Variants in PCDH11Y observed in about 807,000 individuals in gnomAD.
PCDH11Y encodes protocadherin 11 Y-linked.
For missense variants in PCDH11Y, 12 were observed against 224.8 expected (o/e 0.05, Z 6.05); for synonymous variants, 9 against 83.6 (o/e 0.11, Z 4.87).
chrY:5,111,791 T>G, intron 2 of PCDH11Y, among the ~76,000 whole-genome samples: 1 of 34,445 alleles, frequency 2.9e-5, no homozygotes, highest in Non-Finnish European at 7.3e-5. Context: ...GCACACAAAT[T>G]AAAGAAATGA....
intron 4 of PCDH11Y, among the ~76,000 whole-genome samples, chrY:5,717,033 T>C (rs2053590495): frequency 3.0e-5 from 1 of 33,245 alleles, no homozygotes; most frequent in African/African-American, 1.2e-4. Context: ...ATTCACATGC[T>C]GAAGAATGAG....
chrY:5,200,346 A>T, intron 2 of PCDH11Y, among the ~76,000 whole-genome samples: 5 of 32,655 alleles, frequency 1.5e-4, no homozygotes. Flanking sequence ...TGTGAGAACA[A>T]CATCAATATC....
chrY:5,672,366 T>G, intron 4 of PCDH11Y, among the ~76,000 whole-genome samples: 1 of 31,917 alleles, frequency 3.1e-5, no homozygotes, highest in East Asian at 8.0e-4. Flanking sequence ...TCTTTACATG[T>G]TTGGTAGAAT....
intron 2 of PCDH11Y, among the ~76,000 whole-genome samples, chrY:5,276,540 G>C: frequency 3.4e-5 from 1 of 29,663 alleles, no homozygotes; most frequent in Non-Finnish European, 8.1e-5. Context: ...TTATCATACA[G>C]TATATTTTCT....
At chrY:5,247,926 A>T (rs2052999028) in intron 2 of PCDH11Y, among the ~76,000 whole-genome samples, 120 of 30,768 alleles carry the variant, frequency 3.9e-3, no homozygotes, top group African/African-American at 0.015. Flanking sequence ...ACAAACTACC[A>T]TCAGAGAATA....
intron 2 of PCDH11Y, among the ~76,000 whole-genome samples, chrY:5,368,721 C>A: frequency 3.0e-5 from 1 of 32,900 alleles, no homozygotes; most frequent in Non-Finnish European, 7.5e-5. Context: ...CTGCTTGCAC[C>A]CTGCACCTGG....
intron 3 of PCDH11Y, chrY:5,037,397 C>T (rs2052600597): frequency 2.2e-5 from 2 of 90,534 alleles, no homozygotes; most frequent in Non-Finnish European, 2.4e-5. Flanking sequence ...GGTGAAGCCC[C>T]GTCTCTACCA....
At chrY:5,338,049 T>TA (rs2053140262) in intron 2 of PCDH11Y, 1 of 335,891 alleles carries the variant, frequency 3.0e-6, no homozygotes, top group Non-Finnish European at 4.4e-6. Context: ...TTTTGGTCCA[T>TA]ATCTCCATGC....
intron 1 of PCDH11Y, among the ~76,000 whole-genome samples, chrY:5,088,561 G>C (rs2052735443): frequency 3.0e-5 from 1 of 33,157 alleles, no homozygotes; most frequent in Non-Finnish European, 7.4e-5. Flanking sequence ...ATGGAGGTTA[G>C]AGATTATATT....
At chrY:5,202,577 C>T in intron 2 of PCDH11Y, among the ~76,000 whole-genome samples, 1 of 33,142 alleles carries the variant, frequency 3.0e-5, no homozygotes, top group Non-Finnish European at 7.4e-5. Context: ...AAATCTTATT[C>T]ACTTCTCTAT....
intron 2 of PCDH11Y, among the ~76,000 whole-genome samples, chrY:5,450,671 A>AAT (rs2053292430): frequency 3.0e-5 from 1 of 33,173 alleles, no homozygotes; most frequent in South Asian, 6.4e-4. Context: ...TAAATTCAAG[A>AAT]ATATATATAT....
intron 2 of PCDH11Y, among the ~76,000 whole-genome samples, chrY:5,147,202 T>C: frequency 3.5e-5 from 1 of 28,344 alleles, no homozygotes; most frequent in Non-Finnish European, 8.2e-5. Context: ...TAAACTTCCC[T>C]TCATATATAC....
chrY:5,232,560 A>G, intron 2 of PCDH11Y, among the ~76,000 whole-genome samples: 1 of 31,828 alleles, frequency 3.1e-5, no homozygotes. Context: ...GGTATCCTAG[A>G]TGAAAGACAA....
chrY:5,113,834 G>A, intron 2 of PCDH11Y, among the ~76,000 whole-genome samples: 1 of 30,142 alleles, frequency 3.3e-5, no homozygotes, highest in Non-Finnish European at 7.8e-5. Context: ...GTTAGAGAGA[G>A]AGAGAGAATA....
At chrY:5,643,755 C>T (rs1602955647) in intron 4 of PCDH11Y, among the ~76,000 whole-genome samples, 110 of 26,481 alleles carry the variant, frequency 4.2e-3, no homozygotes, top group Admixed American at 0.015. Context: ...TTGTCAGTAA[C>T]CCCATCCCTA....
At chrY:5,022,639 A>G (rs2052571870) in intron 1 of PCDH11Y, among the ~76,000 whole-genome samples, 1 of 30,334 alleles carries the variant, frequency 3.3e-5, no homozygotes, top group Non-Finnish European at 7.9e-5. Context: ...AAAAAAAAAG[A>G]GTTTATTATC....
chrY:5,653,584 G>A (rs2053533580), intron 4 of PCDH11Y, among the ~76,000 whole-genome samples: 1 of 32,948 alleles, frequency 3.0e-5, no homozygotes, highest in Non-Finnish European at 7.4e-5. Flanking sequence ...AAATAAACGA[G>A]CAAAGCCTCC....
chrY:5,419,748 A>T, intron 2 of PCDH11Y, among the ~76,000 whole-genome samples: 1 of 31,862 alleles, frequency 3.1e-5, no homozygotes, highest in Non-Finnish European at 7.6e-5. Context: ...TCTCTTCCTC[A>T]GTCGTATCGA....
At chrY:5,376,205 C>A in intron 2 of PCDH11Y, among the ~76,000 whole-genome samples, 1 of 31,708 alleles carries the variant, frequency 3.2e-5, no homozygotes, top group Non-Finnish European at 7.7e-5. Flanking sequence ...GCCCTGTCAC[C>A]CAGGCTGGAG....
Sources: gnomAD v4.1 joint callset for allele counts (sites outside exome capture counted in the v4.1 genomes callset) on GRCh38, gnomAD v4.1.1 for gene constraint, MANE v1.5 for transcripts, NCBI Gene and HGNC (gene_info 2026-07-23, HGNC 2026-07-21) for gene names.